Variants in LEMD3 observed in about 807,000 individuals in gnomAD.
LEMD3 encodes the protein inner nuclear membrane protein Man1.
Under a neutral mutation model 95.2 loss-of-function variants are expected in LEMD3, and 33 were observed. The ratio of observed to expected loss-of-function variants is 0.35; its 90% CI spans 0.26 to 0.46. The LOEUF (loss-of-function observed/expected upper bound fraction) is 0.46. LEMD3 is among the 20% of genes least tolerant of loss of function. LEMD3 has a pLI of 1.00. For missense variants in LEMD3, 1,210 were observed against 1,192.8 expected, an observed-to-expected ratio of 1.01 and a Z score of -0.21; for synonymous variants, 525 against 474.6, an observed-to-expected ratio of 1.11 and a Z score of -1.38.
intron 1 of LEMD3, among the ~76,000 whole-genome samples, chr12:65,209,091 G>A (rs781057702): frequency 1.2e-4 from 19 of 152,042 alleles, no homozygotes; most frequent in Non-Finnish European, 2.2e-4. Flanking sequence ...AGCACAACAA[G>A]CATTTTTCAA....
intron 2 of LEMD3, among the ~76,000 whole-genome samples, chr12:65,213,346 C>T (rs1343027278): frequency 6.6e-6 from 1 of 152,154 alleles, no homozygotes; most frequent in Non-Finnish European, 1.5e-5. Context: ...CCACCTCAGT[C>T]TCCTGAGGAG....
At chr12:65,231,503 AG>A (rs1376427127) in intron 4 of LEMD3, among the ~76,000 whole-genome samples, 2 of 152,086 alleles carry the variant, frequency 1.3e-5, no homozygotes, top group Admixed American at 6.6e-5. Flanking sequence ...TGGGGAACAT[AG>A]TGAGATCTTG....
At chr12:65,197,828 A>T (rs908447350) in intron 1 of LEMD3, among the ~76,000 whole-genome samples, 1 of 151,980 alleles carries the variant, frequency 6.6e-6, no homozygotes, top group African/African-American at 2.4e-5. Flanking sequence ...CAGTGAATGG[A>T]GGGGAAACTA....
At chr12:65,215,956 A>G (rs1321106432) in intron 2 of LEMD3, 21 bp from the exon 3 acceptor site, 10 of 1,171,770 alleles carry the variant, frequency 8.5e-6, no homozygotes, top group Admixed American at 2.0e-5. Flanking sequence ...GGTATTTCAT[A>G]ATAACTTCTC....
chr12:65,186,650 T>TTCC (rs1565781728), intron 1 of LEMD3, among the ~76,000 whole-genome samples: 1 of 146,974 alleles, frequency 6.8e-6, no homozygotes, highest in African/African-American at 2.5e-5. Flanking sequence ...TTTTTTTTTT[T>TTCC]CGACACCTGT....
In LEMD3 at chr12:65,169,723, C is replaced by A; in HGVS notation, c.127C>A (p.Leu43Met). ...CACCCGCCCGGTCTACCTCAAGAAG[C>A]TGAAGAAGCTTCGAGAGGAAGAGCA... ...ESTRPVYLKKLKKLREEEQQQ... is the reference protein window; with the variant it reads ...ESTRPVYLKKMKKLREEEQQQ... Residue 43 changes from leucine (L) to methionine (M), a missense_variant, in exon 1 of 13, where the codon CTG becomes ATG. This residue lies in a region of LEMD3 where 749 missense variants were observed against 622.9 expected (regional missense o/e 1.20). Coordinates refer to ENST00000308330, the MANE Select transcript of LEMD3 (RefSeq NM_014319.5). 3 of 1,589,320 alleles carry A rather than the reference C, an allele frequency of 1.9e-6. No homozygotes were observed. The highest frequency in any genetic ancestry group is 3.4e-4 in the Middle Eastern group (2 of 5,804).
chr12:65,218,482 T>A, intron 3 of LEMD3, 70 bp from the exon 4 acceptor site: 1 of 871,640 alleles, frequency 1.1e-6, no homozygotes, highest in South Asian at 1.5e-5. Flanking sequence ...AATATTTGAA[T>A]TAATTATGTT....
At chr12:65,220,060 T>TA (rs1318441462) in intron 4 of LEMD3, among the ~76,000 whole-genome samples, 3 of 152,226 alleles carry the variant, frequency 2.0e-5, no homozygotes, top group African/African-American at 4.8e-5. Flanking sequence ...GTTAGACAAA[T>TA]ACCTAGAAGT....
intron 1 of LEMD3, among the ~76,000 whole-genome samples, chr12:65,175,266 T>A (rs1868681258): frequency 6.6e-6 from 1 of 152,226 alleles, no homozygotes; most frequent in South Asian, 2.1e-4. Context: ...ATACTAATTT[T>A]AAGTACAGAG....
chr12:65,246,269 T>TC lies in LEMD3; in HGVS notation c.2682dup (p.Met895HisfsTer77), dbSNP rs749531910. On this transcript the variant is annotated frameshift_variant, in exon 13 of 13. Coordinates refer to ENST00000308330, the MANE Select transcript of LEMD3 (RefSeq NM_014319.5). LOFTEE classifies it high-confidence loss of function. The stretch of plus-strand genomic sequence containing the variant: ...GAAGCCATCAAATAAACATATGAAC[T>TC]CCATGTCTCATCTTCGTCTTCGGAC... 6.2e-7 allele frequency: 1 copy of TC among 1,613,344 alleles called. No individual in the cohort carries two copies. The highest frequency in any genetic ancestry group is 1.3e-5 in the African/African-American group (1 of 74,918).
rs967252953 is a variant in LEMD3, at chr12:65,170,450, G to T, written c.854G>T (p.Arg285Leu). Reference protein sequence around the residue: ...VLKDDSLSRHRPRRTHSKPLP... With the variant: ...VLKDDSLSRHLPRRTHSKPLP... The stretch of plus-strand genomic sequence containing the variant: ...AAGGACGACTCCCTTTCCCGGCATC[G>T]GCCCAGACGAACCCATAGTAAGCCT... The change falls in exon 1 of 13, where the codon CGG becomes CTG. Residue 285 changes from arginine (R) to leucine (L), a missense_variant. Arg to Leu is a moderately radical substitution (Grantham distance 102, BLOSUM62 -2). Around this residue, in one of 2 missense-constraint regions of LEMD3, gnomAD observed 749 missense variants for 622.9 expected, o/e 1.20. Coordinates refer to ENST00000308330, the MANE Select transcript of LEMD3 (RefSeq NM_014319.5). 5.6e-6 allele frequency: 9 copies of T among 1,613,656 alleles called. No homozygotes were observed. The African/African-American group carries it at 1.1e-4, about 19-fold the overall frequency.
intron 3 of LEMD3, 133 bp downstream of exon 3, chr12:65,216,176 A>G (rs557255939): frequency 6.9e-6 from 4 of 583,522 alleles, no homozygotes; most frequent in East Asian, 6.2e-5. Context: ...TTCATTACCT[A>G]TACAGAGTGA....
chr12:65,170,659 C>T lies in LEMD3; in HGVS notation c.1063C>T (p.Pro355Ser), dbSNP rs202161021. 134 of 1,614,068 alleles carry T rather than the reference C, an allele frequency of 8.3e-5. No homozygotes were observed. The highest frequency in any genetic ancestry group is 4.3e-4 in the Admixed American group (26 of 60,002). The change falls in exon 1 of 13, where the codon CCT becomes TCT. Residue 355 changes from proline to serine, a missense_variant. Physicochemically the swap from Pro to Ser is moderately conservative, Grantham distance 74. This residue lies in a region of LEMD3 where 749 missense variants were observed against 622.9 expected (regional missense o/e 1.20). Transcript: ENST00000308330. ...TGATCAAGTGGACTCCAGCCCCGTTCCTAGATACCGTGTTAACGCTAAGAA... is the reference window on the plus strand; with the variant it reads ...TGATCAAGTGGACTCCAGCCCCGTTTCTAGATACCGTGTTAACGCTAAGAA... ...GCDQVDSSPV[P>S]RYRVNAKKLT... is the part of the protein sequence containing the mutation.
chr12:65,206,776 G>A (rs1176683525), intron 1 of LEMD3, among the ~76,000 whole-genome samples: 1 of 152,024 alleles, frequency 6.6e-6, no homozygotes, highest in Non-Finnish European at 1.5e-5. Flanking sequence ...AGAAAATAAT[G>A]TATTTTCCAA....
At chr12:65,226,320 T>C (rs760366829) in intron 4 of LEMD3, among the ~76,000 whole-genome samples, 3 of 152,194 alleles carry the variant, frequency 2.0e-5, no homozygotes, top group Non-Finnish European at 2.9e-5. Context: ...GTGAGTGATA[T>C]GAATTTTCCT....
Position 65,224,021 on chromosome 12 carries a change from C to A in LEMD3, c.1695+5402C>A, listed in dbSNP as rs188750124. ...TCTACTTTTTTATATCTCTCTTCAT[C>A]CTTTATATTATTGATGTCACAGATT... is the stretch of plus-strand genomic sequence containing the variant. On this transcript the variant is annotated intron_variant, in intron 4 of 12. Transcript: ENST00000308330. 1.3e-4 allele frequency among the ~76,000 whole-genome samples: 19 copies of A among 151,978 alleles called. 1 individual carries two copies. The highest frequency in any genetic ancestry group is 1.1e-3 in the Admixed American group (17 of 15,262).
In LEMD3 at chr12:65,169,754, A is replaced by G; in HGVS notation, c.158A>G (p.Gln53Arg). Reference sequence around the variant, plus strand: ...AAGCTTCGAGAGGAAGAGCAGCAACAGCACCGGTCAGGGGGCCGCGGCAAC... The same window carrying G: ...AAGCTTCGAGAGGAAGAGCAGCAACGGCACCGGTCAGGGGGCCGCGGCAAC... ...LKKLREEEQQ[Q>R]HRSGGRGNKT... The change falls in exon 1 of 13, where the codon CAG becomes CGG. Residue 53 changes from glutamine to arginine, a missense_variant. Physicochemically the swap from Gln to Arg is conservative, Grantham distance 43. Around this residue, in one of 2 missense-constraint regions of LEMD3, gnomAD observed 749 missense variants for 622.9 expected, o/e 1.20. Transcript: ENST00000308330. 1 of 1,592,042 alleles carries G rather than the reference A, an allele frequency of 6.3e-7. No individual in the cohort carries two copies. Among genetic ancestry groups the G allele is most frequent in the Non-Finnish European group, 8.6e-7 (1 of 1,169,122 alleles).
rs1258150741 is a variant in LEMD3 at position 65,172,082 on chromosome 12, T to A, written c.1522+964T>A. ...CCATTCTGAGCAGAGATTAAGGCCT[T>A]GAGTTGAGCAAGAGCCTTCTTGTAG... On this transcript the variant is annotated intron_variant, in intron 1 of 12. Coordinates refer to ENST00000308330, the MANE Select transcript of LEMD3 (RefSeq NM_014319.5). Among the ~76,000 whole-genome samples the A allele has an allele frequency of 1.3e-5, 2 of 152,194 alleles. 1 individual carries two copies. Among genetic ancestry groups the A allele is most frequent in the South Asian group, 4.2e-4 (2 of 4,812 alleles).
At chr12:65,213,768 G>A (rs2136337711) in intron 2 of LEMD3, among the ~76,000 whole-genome samples, 1 of 152,246 alleles carries the variant, frequency 6.6e-6, no homozygotes, top group South Asian at 2.1e-4. Flanking sequence ...GAGGACAGAT[G>A]CCAATGTTCA....
Sources: gnomAD v4.1 joint callset for allele counts (sites outside exome capture counted in the v4.1 genomes callset) on GRCh38, gnomAD v4.1.1 for gene constraint, gnomAD v4.1.1 regional missense constraint, MANE v1.5 for transcripts, NCBI Gene and HGNC (gene_info 2026-07-23, HGNC 2026-07-21) for gene names.